Variants in PAQR5 observed in about 807,000 individuals in gnomAD.
The protein encoded by PAQR5 is progestin and adipoQ receptor family member 5.
In PAQR5, 20 loss-of-function variants were observed where a neutral mutation model predicts 34.5. The ratio of observed to expected loss-of-function variants is 0.58; its 90% CI spans 0.41 to 0.84. The LOEUF is 0.84. PAQR5 is among the 40% of genes least tolerant of loss of function. PAQR5 has a pLI of 0.00. For synonymous variants in PAQR5, 131 were observed against 155.6 expected, an observed-to-expected ratio of 0.84 and a Z score of 1.18; for missense variants, 378 against 412.7, an observed-to-expected ratio of 0.92 and a Z score of 0.73.
At chr15:69,388,479 C>A (rs549316679) in intron 5 of PAQR5, among the ~76,000 whole-genome samples, 2 of 152,352 alleles carry the variant, frequency 1.3e-5, no homozygotes, top group East Asian at 3.9e-4. Flanking sequence ...CTTCTGGCTG[C>A]GGTTCTGGGC....
chr15:69,299,304 T>C (rs1310522749), intron 1 of PAQR5, among the ~76,000 whole-genome samples: 1 of 152,142 alleles, frequency 6.6e-6, no homozygotes, highest in Non-Finnish European at 1.5e-5. Flanking sequence ...TGCAGAAGGC[T>C]CTCTGCTGCA....
rs1007249512 is a variant in PAQR5, at chr15:69,385,231, C to T, written c.385+349C>T. 5.3e-5 allele frequency among the ~76,000 whole-genome samples: 8 copies of T among 152,190 alleles called. No homozygotes were observed. The highest frequency in any genetic ancestry group is 1.9e-4 in the African/African-American group (8 of 41,426). ...TAGCACACTATTACAGAAATTCCAC[C>T]ATGCAGATACAGTAGATGTAGTCAT... On this transcript the variant is annotated intron_variant, in intron 5 of 8. Transcript: ENST00000395407. This position sits in a 1 kb window ranked among gnomAD's most constrained non-coding sequence, Gnocchi z 4.7.
chr15:69,379,908 T>C lies in PAQR5; in HGVS notation c.77T>C (p.Phe26Ser), dbSNP rs1183418941. 1 of 1,614,158 alleles carries C rather than the reference T, an allele frequency of 6.2e-7. No homozygotes were observed. Among genetic ancestry groups the C allele is most frequent in the South Asian group, 1.1e-5 (1 of 91,084 alleles). ...GTGTTCCATGAGCAAGGCATCCTGT[T>C]CGGCTACCGCCATCCACAGAGTTCT... ...PQVFHEQGIL[F>S]GYRHPQSSAT... The change falls in exon 4 of 9, where the codon TTC (phenylalanine) becomes TCC (serine). Residue 26 changes from phenylalanine (F) to serine (S), a missense_variant. Phe to Ser is a radical substitution (Grantham distance 155). Coordinates refer to ENST00000395407, the MANE Select transcript of PAQR5 (RefSeq NM_017705.4).
chr15:69,334,177 G>A (rs923598083), intron 1 of PAQR5, among the ~76,000 whole-genome samples: 5 of 151,960 alleles, frequency 3.3e-5, no homozygotes, highest in Admixed American at 6.6e-5. Flanking sequence ...ACAGGCGCCC[G>A]CCACCACGCC....
chr15:69,364,188 G>C (rs1484892305), intron 3 of PAQR5, among the ~76,000 whole-genome samples: 2 of 152,114 alleles, frequency 1.3e-5, no homozygotes, highest in Non-Finnish European at 2.9e-5. Context: ...TGGCATAGGT[G>C]TTTGGTAGGT....
At position 69,385,429 on chromosome 15, in the gene PAQR5, T is replaced by A. The variant is rs148227885; in HGVS notation, c.385+547T>A. Among the ~76,000 whole-genome samples, 2 of 152,188 alleles carry A rather than the reference T, an allele frequency of 1.3e-5. No homozygotes were observed. The highest frequency in any genetic ancestry group is 2.9e-5 in the Non-Finnish European group (2 of 68,034). On this transcript the variant is annotated intron_variant, in intron 5 of 8. Coordinates refer to ENST00000395407, the MANE Select transcript of PAQR5 (RefSeq NM_017705.4). The surrounding 1 kb of genome is among the most constrained non-coding windows in gnomAD (Gnocchi z 4.7). ...AGGCAAGAAGAGGAGGGTGAGGTCA[T>A]GAGCCTCGTATATCCAGAGGCTTAG...
chr15:69,351,262 CAG>C (rs2140791813), intron 2 of PAQR5, among the ~76,000 whole-genome samples: 2 of 152,384 alleles, frequency 1.3e-5, no homozygotes, highest in African/African-American at 4.8e-5. Flanking sequence ...CTTGAAGACA[CAG>C]GGGTGGAGAT....
intron 8 of PAQR5, among the ~76,000 whole-genome samples, chr15:69,402,509 G>C (rs1056667335): frequency 6.6e-6 from 1 of 151,708 alleles, no homozygotes; most frequent in African/African-American, 2.4e-5. Flanking sequence ...GTAGAGACGG[G>C]GTTTCATCAT....
rs12438002 is a variant in PAQR5, at chr15:69,388,648, G to A, written c.386-1006G>A. On this transcript the variant is annotated intron_variant, in intron 5 of 8. Coordinates refer to ENST00000395407, the MANE Select transcript of PAQR5 (RefSeq NM_017705.4). Reference sequence around the variant, plus strand: ...GGAGGCAGCTTCCCACTGAAATCTCGCGGGCTGCCTGCTGCAGCTGGGAGT... The same window carrying A: ...GGAGGCAGCTTCCCACTGAAATCTCACGGGCTGCCTGCTGCAGCTGGGAGT... 1.3e-3 allele frequency among the ~76,000 whole-genome samples: 192 copies of A among 152,344 alleles called. 2 individuals are homozygous for A. The highest frequency in any genetic ancestry group is 0.01 in the Admixed American group (160 of 15,304).
intron 1 of PAQR5, among the ~76,000 whole-genome samples, chr15:69,323,038 A>G (rs559630695): frequency 7.2e-6 from 1 of 139,596 alleles, no homozygotes; most frequent in Non-Finnish European, 1.5e-5. Flanking sequence ...AGGATATGCT[A>G]AGGAGTGGGG....
chr15:69,334,026 A>T (rs1006338966), intron 1 of PAQR5, among the ~76,000 whole-genome samples: 1 of 152,066 alleles, frequency 6.6e-6, no homozygotes, highest in African/African-American at 2.4e-5. Flanking sequence ...GGAAATAAAG[A>T]CGGTTTTTTT....
intron 1 of PAQR5, among the ~76,000 whole-genome samples, chr15:69,322,875 A>T (rs1384524038): frequency 6.9e-6 from 1 of 145,812 alleles, no homozygotes; most frequent in Admixed American, 6.9e-5. Context: ...AGAAGAGAAG[A>T]TGGAGTAAGA....
Position 69,316,870 on chromosome 15 carries a change from C to T in PAQR5, c.-277+17814C>T, listed in dbSNP as rs150347342. Reference sequence around the variant, plus strand: ...GAGTCTTGCTCTGTCCCCCAGGCTGCGTGCAGTGGTGGGATTTTGGCTCAC... The same window carrying T: ...GAGTCTTGCTCTGTCCCCCAGGCTGTGTGCAGTGGTGGGATTTTGGCTCAC... On this transcript the variant is annotated intron_variant, in intron 1 of 8. Coordinates refer to ENST00000395407, the MANE Select transcript of PAQR5 (RefSeq NM_017705.4). 3.5e-3 allele frequency among the ~76,000 whole-genome samples: 531 copies of T among 152,160 alleles called. 4 individuals carry two copies. The highest frequency in any genetic ancestry group is 0.012 in the African/African-American group (517 of 41,514).
intron 7 of PAQR5, 81 bp from the exon 8 acceptor site, chr15:69,399,893 C>T: frequency 6.9e-7 from 1 of 1,451,520 alleles, no homozygotes; most frequent in South Asian, 1.3e-5. Context: ...CCCCAAAGTC[C>T]CAGATGCAGG....
chr15:69,344,789 C>T (rs971197812), intron 2 of PAQR5, among the ~76,000 whole-genome samples: 2 of 152,182 alleles, frequency 1.3e-5, no homozygotes, highest in Non-Finnish European at 2.9e-5. Context: ...TTTGAATACA[C>T]TTATTTCTAT....
intron 1 of PAQR5, among the ~76,000 whole-genome samples, chr15:69,327,438 C>G (rs2054280726): frequency 6.6e-6 from 1 of 152,102 alleles, no homozygotes; most frequent in African/African-American, 2.4e-5. Context: ...GCTTCCTGTC[C>G]CTACACATGG....
At chr15:69,392,988 T>C (rs1231993780) in intron 6 of PAQR5, among the ~76,000 whole-genome samples, 1 of 151,366 alleles carries the variant, frequency 6.6e-6, no homozygotes, top group Admixed American at 6.6e-5. Flanking sequence ...CCTTTGCTCA[T>C]GAAGGATGAG....
At chr15:69,320,584 G>A (rs2054072194) in intron 1 of PAQR5, among the ~76,000 whole-genome samples, 2 of 152,088 alleles carry the variant, frequency 1.3e-5, no homozygotes, top group African/African-American at 4.8e-5. Context: ...TTTAAAAAAT[G>A]TAAAACAGGA....
chr15:69,391,623 T>C lies in PAQR5; in HGVS notation c.512+1843T>C, dbSNP rs562881972. On this transcript the variant is annotated intron_variant, in intron 6 of 8. Transcript: ENST00000395407. ...CCTGGACACTCTTGGACCTGGTCCT[T>C]GGACCAGTCACTGCCCCATCTGGTT... is the stretch of plus-strand genomic sequence containing the variant. 346 of 456,000 alleles carry C rather than the reference T, an allele frequency of 7.6e-4. 8 individuals carry two copies. Among genetic ancestry groups the C allele is most frequent in the South Asian group, 5.2e-3 (334 of 64,560 alleles). The allele number at this position is 456,000 out of a possible 1,614,324, so 28.2% of individuals were successfully genotyped here.
Sources: allele counts gnomAD v4.1 joint callset (sites outside exome capture counted in the v4.1 genomes callset), GRCh38; gene constraint gnomAD v4.1.1; non-coding constraint Gnocchi (gnomAD v3.1); transcripts MANE v1.5; gene names NCBI Gene and HGNC (gene_info 2026-07-23, HGNC 2026-07-21).